The following UST variants were observed in gnomAD, a reference collection of about 807,000 sequenced individuals.
UST encodes the protein chondroitin sulfate 2-O-sulfotransferase.
UST carries 21 observed loss-of-function variants against 45.6 expected under a neutral mutation model. The observed-to-expected ratio is 0.46, with a 90% CI of 0.33 to 0.66. UST has a LOEUF of 0.66. UST is among the 30% of genes least tolerant of loss of function. The pLI is 0.02. For missense variants in UST, 463 were observed against 512.4 expected (o/e 0.90, Z 0.93); for synonymous variants, 215 against 200.6 (o/e 1.07, Z -0.61).
intron 3 of UST, among the ~76,000 whole-genome samples, chr6:148,951,552 T>C (rs2114936511): frequency 6.6e-6 from 1 of 152,220 alleles, no homozygotes; most frequent in African/African-American, 2.4e-5. Flanking sequence ...TTTTAGGTGG[T>C]GCCATTGTCA....
chr6:148,937,694 A>C (rs1345680997), intron 2 of UST, among the ~76,000 whole-genome samples: 1 of 152,212 alleles, frequency 6.6e-6, no homozygotes, highest in Non-Finnish European at 1.5e-5. Flanking sequence ...GTACTTACCT[A>C]TGTGGTAACT....
At chr6:148,875,104 A>G (rs1214458254) in intron 1 of UST, among the ~76,000 whole-genome samples, 1 of 152,254 alleles carries the variant, frequency 6.6e-6, no homozygotes, top group Admixed American at 6.5e-5. Flanking sequence ...AAAGATTCTG[A>G]AAGGAATTGC....
intron 1 of UST, among the ~76,000 whole-genome samples, chr6:148,805,162 C>T (rs1157675386): frequency 2.0e-5 from 3 of 152,128 alleles, no homozygotes; most frequent in Admixed American, 6.5e-5. Context: ...ATTTTTCTTC[C>T]CATATAGTTT....
chr6:149,061,754 A>G (rs1227229675), intron 7 of UST, among the ~76,000 whole-genome samples: 1 of 152,270 alleles, frequency 6.6e-6, no homozygotes, highest in South Asian at 2.1e-4. Context: ...GCCCGGGCTA[A>G]GTTCTTCCAC....
chr6:148,878,530 C>CA (rs1554222679), intron 1 of UST, among the ~76,000 whole-genome samples: 13 of 46,720 alleles, frequency 2.8e-4, no homozygotes, highest in Non-Finnish European at 4.7e-4. Context: ...TGTATGAGTG[C>CA]GGGGGGTCAT....
chr6:148,941,588 TAA>T (rs1359532851), intron 3 of UST, among the ~76,000 whole-genome samples, 154 bp downstream of exon 3: 1 of 152,190 alleles, frequency 6.6e-6, no homozygotes, highest in East Asian at 1.9e-4. Flanking sequence ...GAAGGAAATT[TAA>T]GTTAAGGGTT....
intron 5 of UST, among the ~76,000 whole-genome samples, chr6:148,995,120 G>A (rs1259924854): frequency 2.0e-5 from 3 of 152,098 alleles, no homozygotes; most frequent in East Asian, 3.9e-4. Context: ...CGCCTCCCGG[G>A]TTCAAGCTAT....
chr6:149,063,221 A>G lies in UST; in HGVS notation c.938-10612A>G, dbSNP rs111611209. 6.4e-3 allele frequency among the ~76,000 whole-genome samples: 974 copies of G among 152,196 alleles called. 8 individuals carry two copies. Among genetic ancestry groups the G allele is most frequent in the African/African-American group, 0.022 (923 of 41,526 alleles). ...TGTCTATAAAGAAAAAACAATCTCT[A>G]TTGTGTTCTTTAAATAGAAAGCTCA... On this transcript the variant is annotated intron_variant, in intron 7 of 7. Transcript: ENST00000367463.
chr6:148,881,533 G>C (rs961228203), intron 1 of UST, among the ~76,000 whole-genome samples: 1 of 152,172 alleles, frequency 6.6e-6, no homozygotes, highest in African/African-American at 2.4e-5. Flanking sequence ...GGGGTGCCCT[G>C]GGTGGGTATA....
chr6:148,956,461 A>T (rs766808004), intron 4 of UST, among the ~76,000 whole-genome samples: 8 of 152,228 alleles, frequency 5.3e-5, no homozygotes, highest in Non-Finnish European at 7.3e-5. Context: ...CCACGAGAAC[A>T]GTATGGGGGA....
chr6:149,057,651 T>C (rs544029584), intron 7 of UST, among the ~76,000 whole-genome samples: 1 of 152,338 alleles, frequency 6.6e-6, no homozygotes, highest in South Asian at 2.1e-4. Flanking sequence ...CAGATGGTTA[T>C]ATGACCTTTA....
At chr6:148,906,319 A>G (rs1250108529) in intron 2 of UST, among the ~76,000 whole-genome samples, 1 of 152,208 alleles carries the variant, frequency 6.6e-6, no homozygotes, top group Non-Finnish European at 1.5e-5. Flanking sequence ...GGCATTAATA[A>G]TGAGAAGTGT....
chr6:148,999,984 G>A (rs757939821), intron 5 of UST, among the ~76,000 whole-genome samples: 3 of 152,196 alleles, frequency 2.0e-5, no homozygotes, highest in Non-Finnish European at 4.4e-5. Flanking sequence ...CATGCATGGA[G>A]GAATTCCTGA....
intron 2 of UST, among the ~76,000 whole-genome samples, chr6:148,912,146 G>A (rs1246701147): frequency 2.6e-5 from 4 of 152,214 alleles, no homozygotes; most frequent in South Asian, 2.1e-4. Context: ...GCAGTGAGCC[G>A]AGATCATGCC....
At chr6:148,881,092 A>C (rs1011785025) in intron 1 of UST, among the ~76,000 whole-genome samples, 1 of 152,090 alleles carries the variant, frequency 6.6e-6, no homozygotes, top group Admixed American at 6.5e-5. Flanking sequence ...TCTTCTATCA[A>C]TGTATAGAGT....
chr6:148,805,417 G>A (rs146048813), intron 1 of UST, among the ~76,000 whole-genome samples: 1 of 152,264 alleles, frequency 6.6e-6, no homozygotes, highest in Non-Finnish European at 1.5e-5. Context: ...CTGAGATGTT[G>A]GAAAATTAGT....
intron 7 of UST, among the ~76,000 whole-genome samples, chr6:149,070,618 T>A (rs939254993): frequency 2.0e-5 from 3 of 152,200 alleles, no homozygotes; most frequent in African/African-American, 7.2e-5. Context: ...TTATTTTTTA[T>A]TTTAATTAAT....
chr6:149,015,126 A>C (rs1296390792), intron 5 of UST, among the ~76,000 whole-genome samples: 1 of 152,116 alleles, frequency 6.6e-6, no homozygotes, highest in African/African-American at 2.4e-5. Context: ...GGCCCTTTAG[A>C]CTCAAAAGAT....
intron 4 of UST, among the ~76,000 whole-genome samples, chr6:148,963,687 A>G (rs1780716422): frequency 6.6e-6 from 1 of 152,204 alleles, no homozygotes. Flanking sequence ...CATAATTAAG[A>G]GCATAGATTC....
Sources: gnomAD v4.1 joint callset for allele counts (sites outside exome capture counted in the v4.1 genomes callset) on GRCh38, gnomAD v4.1.1 for gene constraint, MANE v1.5 for transcripts, NCBI Gene and HGNC (gene_info 2026-07-23, HGNC 2026-07-21) for gene names.